ABHD18: variants seen among roughly 807,000 people sequenced by gnomAD.
ABHD18 encodes the protein abhydrolase domain containing 18.
In ABHD18, 55 loss-of-function variants were observed where a neutral mutation model predicts 65.9. The observed-to-expected ratio is 0.84, with a 90% CI of 0.67 to 1.05. The LOEUF is 1.05. ABHD18 is among the 50% of genes least tolerant of loss of function. The probability of loss-of-function intolerance (pLI) is 0.00; values close to 1 mark genes in which losing one functional copy is unlikely to be tolerated. For missense variants in ABHD18, 533 were observed against 558.5 expected, an observed-to-expected ratio of 0.95 and a Z score of 0.46; for synonymous variants, 181 against 180.2, an observed-to-expected ratio of 1.00 and a Z score of -0.04.
intron 1 of ABHD18, among the ~76,000 whole-genome samples, chr4:127,978,087 A>G (rs1748310591): frequency 6.6e-6 from 1 of 152,026 alleles, no homozygotes; most frequent in South Asian, 2.1e-4. Flanking sequence ...TATATGGAAA[A>G]CTCATTGTAG....
At chr4:127,966,472 T>C (rs759695589) in intron 1 of ABHD18, among the ~76,000 whole-genome samples, 5 of 151,956 alleles carry the variant, frequency 3.3e-5, no homozygotes, top group Admixed American at 2.6e-4. Context: ...AGTTACACAG[T>C]CATGTATGGT....
At chr4:128,022,449 C>T (rs1454793830) in intron 10 of ABHD18, among the ~76,000 whole-genome samples, 1 of 152,248 alleles carries the variant, frequency 6.6e-6, no homozygotes, top group East Asian at 1.9e-4. Flanking sequence ...TGATTAAACT[C>T]ATTGTTTTGA....
At position 127,997,878 on chromosome 4, in the gene ABHD18, GTTTT is replaced by G. The variant is rs371396935; in HGVS notation, c.278+8063_278+8066del. Among the ~76,000 whole-genome samples the G allele has an allele frequency of 5.3e-3, 773 of 144,750 alleles. 6 individuals carry two copies. The highest frequency in any genetic ancestry group is 0.019 in the African/African-American group (745 of 39,180). The allele number at this position is 144,750 out of a possible 152,430, so 95.0% of individuals were successfully genotyped here. On this transcript the variant is annotated intron_variant, in intron 4 of 12. Transcript: ENST00000645843. ...TCACCTTTTTCCTCTCCTCCTCCTC[GTTTT>G]TTTTTGTTTGTTTGTTTTTTGTTTT...
intron 12 of ABHD18, among the ~76,000 whole-genome samples, chr4:128,034,793 G>A (rs912096099): frequency 2.0e-5 from 3 of 151,948 alleles, no homozygotes; most frequent in Non-Finnish European, 2.9e-5. Context: ...TGGGATTATA[G>A]GCATGTGCCA....
intron 3 of ABHD18, among the ~76,000 whole-genome samples, chr4:127,985,296 G>A (rs984817077): frequency 2.6e-5 from 4 of 152,010 alleles, no homozygotes; most frequent in African/African-American, 9.7e-5. Context: ...ATACTTGGAG[G>A]TATTGTTGGA....
intron 6 of ABHD18, among the ~76,000 whole-genome samples, chr4:128,011,235 C>CTT: frequency 6.6e-6 from 1 of 151,118 alleles, no homozygotes. Flanking sequence ...GCAGGCTCCG[C>CTT]CCCCCAGGGT....
At chr4:128,014,275 G>C (rs554293050) in intron 7 of ABHD18, among the ~76,000 whole-genome samples, 6 of 152,036 alleles carry the variant, frequency 3.9e-5, no homozygotes, top group Non-Finnish European at 7.4e-5. Context: ...CATCCACCGC[G>C]CCCAGCTGAA....
intron 4 of ABHD18, among the ~76,000 whole-genome samples, chr4:127,994,289 T>A (rs1751390037): frequency 6.6e-6 from 1 of 152,214 alleles, no homozygotes; most frequent in Non-Finnish European, 1.5e-5. Context: ...AAATGAATTA[T>A]AATATTTTAA....
At chr4:128,017,791 C>T (rs1040633628) in intron 8 of ABHD18, among the ~76,000 whole-genome samples, 3 of 152,148 alleles carry the variant, frequency 2.0e-5, no homozygotes. Flanking sequence ...TTTGCTGTTA[C>T]ATTGGTGAAG....
chr4:127,986,688 AT>A (rs139503298), intron 3 of ABHD18, among the ~76,000 whole-genome samples: 4,155 of 152,284 alleles, frequency 0.027, 181 homozygotes, highest in African/African-American at 0.094. Flanking sequence ...CCAGCAGTGA[AT>A]AAACATTCCA....
chr4:128,027,999 T>G (rs1009088135), intron 10 of ABHD18, among the ~76,000 whole-genome samples: 9 of 152,160 alleles, frequency 5.9e-5, no homozygotes, highest in African/African-American at 2.2e-4. Context: ...AACATAAAAT[T>G]TACTATCATA....
chr4:128,028,722 G>A lies in ABHD18; in HGVS notation c.1049G>A (p.Gly350Asp). The change falls in exon 11 of 13, where the codon GGT (glycine) becomes GAT (aspartate). Residue 350 changes from glycine to aspartate, a missense_variant. By Grantham distance (94) the Gly-to-Asp change is moderately conservative (BLOSUM62 -1). Coordinates refer to ENST00000645843, the MANE Select transcript of ABHD18 (RefSeq NM_001358451.3). ...CAAACACTTTCAACCAACAAAAGTG[G>A]TTATACAAGTCGCAACCCTCAGTCA... is the stretch of plus-strand genomic sequence containing the variant. ...FNQTLSTNKS[G>D]YTSRNPQSYH... 1 of 1,613,908 alleles carries A rather than the reference G, an allele frequency of 6.2e-7. No homozygotes were observed. Among genetic ancestry groups the A allele is most frequent in the South Asian group, 1.1e-5 (1 of 91,082 alleles).
At chr4:128,029,316 C>T (rs865936659) in intron 11 of ABHD18, among the ~76,000 whole-genome samples, 1 of 151,986 alleles carries the variant, frequency 6.6e-6, no homozygotes, top group Middle Eastern at 3.4e-3. Flanking sequence ...GCCAAGATCA[C>T]ACCACTGCAC....
intron 12 of ABHD18, among the ~76,000 whole-genome samples, chr4:128,031,614 AC>A (rs1406666850): frequency 6.6e-6 from 1 of 152,226 alleles, no homozygotes; most frequent in Non-Finnish European, 1.5e-5. Flanking sequence ...GTTAAAAAAA[AC>A]TTCCAACTGG....
At chr4:127,980,115 A>G (rs1748748808) in intron 1 of ABHD18, among the ~76,000 whole-genome samples, 1 of 152,140 alleles carries the variant, frequency 6.6e-6, no homozygotes, top group African/African-American at 2.4e-5. Context: ...CCCCAATGCA[A>G]TAGTGTTGGG....
chr4:127,972,164 A>G (rs1194044361), intron 1 of ABHD18, among the ~76,000 whole-genome samples: 1 of 152,310 alleles, frequency 6.6e-6, no homozygotes, highest in East Asian at 1.9e-4. Flanking sequence ...TGAATGTGGA[A>G]CTACCTGGCC....
At chr4:128,011,731 C>A (rs1231903516) in intron 7 of ABHD18, 31 bp downstream of exon 7, 2 of 1,499,072 alleles carry the variant, frequency 1.3e-6, no homozygotes, top group Non-Finnish European at 8.9e-7. Context: ...TTTTTGCAGT[C>A]TTTTTACCCA....
intron 12 of ABHD18, among the ~76,000 whole-genome samples, chr4:128,035,507 G>A (rs1007852792): frequency 6.6e-6 from 1 of 152,128 alleles, no homozygotes; most frequent in African/African-American, 2.4e-5. Flanking sequence ...GGGAGGCAGA[G>A]GTTGCAGTGA....
intron 1 of ABHD18, among the ~76,000 whole-genome samples, chr4:127,969,763 T>C (rs1335362138): frequency 1.3e-5 from 2 of 152,040 alleles, no homozygotes; most frequent in East Asian, 1.9e-4. Flanking sequence ...TTTTTTTTTT[T>C]TGGAGACAGG....
Sources: gnomAD v4.1 joint callset for allele counts (sites outside exome capture counted in the v4.1 genomes callset) on GRCh38, gnomAD v4.1.1 for gene constraint, MANE v1.5 for transcripts, NCBI Gene and HGNC (gene_info 2026-07-23, HGNC 2026-07-21) for gene names.